SENP1: variants seen among roughly 807,000 people sequenced by gnomAD.
SENP1 encodes the protein sentrin-specific protease 1.
SENP1 carries 21 observed loss-of-function variants against 93.0 expected under a neutral mutation model. The ratio of observed to expected loss-of-function variants is 0.23; its 90% CI spans 0.16 to 0.33. The LOEUF is 0.33. Among genes scored for constraint, SENP1 ranks in the 10% least tolerant of loss-of-function variants. SENP1 has a pLI of 1.00. For synonymous variants in SENP1, 256 were observed against 259.6 expected, an observed-to-expected ratio of 0.99 and a Z score of 0.13; for missense variants, 591 against 758.7, an observed-to-expected ratio of 0.78 and a Z score of 2.60.
At chr12:48,051,020 A>G (rs368575710) in intron 13 of SENP1, among the ~76,000 whole-genome samples, 2 of 151,954 alleles carry the variant, frequency 1.3e-5, no homozygotes, top group African/African-American at 4.8e-5. Flanking sequence ...CATGACAGCC[A>G]TGGAAATACA....
chr12:48,085,917 G>A (rs1049079315), intron 5 of SENP1, among the ~76,000 whole-genome samples: 1 of 151,802 alleles, frequency 6.6e-6, no homozygotes, highest in Non-Finnish European at 1.5e-5. Flanking sequence ...GCCTATGCAT[G>A]TTTTTTTTAA....
chr12:48,084,335 T>C (rs1944683618), intron 5 of SENP1, among the ~76,000 whole-genome samples: 1 of 152,166 alleles, frequency 6.6e-6, no homozygotes, highest in Admixed American at 6.5e-5. Context: ...TTACTTCCTC[T>C]GAAGAATTTT....
In SENP1 at chr12:48,066,659, G is replaced by A. The variant is rs554040410; in HGVS notation, c.1034+268C>T. ...TCCAAGTAGCTAGGATTACAGGCGC[G>A]TGCCACCATGCCCAGCCAATTTTTG... On this transcript the variant is annotated intron_variant, in intron 10 of 17. Transcript: ENST00000549518. Among the ~76,000 whole-genome samples the A allele has an allele frequency of 2.0e-5, 3 of 152,026 alleles. No homozygotes were observed. In the East Asian group the frequency reaches 5.8e-4, roughly 29 times the overall value.
At chr12:48,093,747 C>T (rs1945371122) in intron 4 of SENP1, among the ~76,000 whole-genome samples, 2 of 147,878 alleles carry the variant, frequency 1.4e-5, no homozygotes, top group South Asian at 2.2e-4. Context: ...AACATGTTGA[C>T]ACATGAAAAA....
chr12:48,045,013 G>A lies in SENP1; in HGVS notation c.*309C>T, dbSNP rs1941260558. On this transcript the variant is annotated 3_prime_UTR_variant, in exon 18 of 18. Transcript: ENST00000549518. ...CAAGCTTTTCTCAGTCCCATAATTA[G>A]GGACTGAGTGAGGCTGGAGCCCTTT... 1 of 363,722 alleles carries A rather than the reference G, an allele frequency of 2.7e-6. No individual in the cohort carries two copies. The highest frequency in any genetic ancestry group is 2.0e-5 in the African/African-American group (1 of 49,882). The allele number at this position is 363,722 out of a possible 1,614,324, so 22.5% of individuals were successfully genotyped here.
In SENP1 at chr12:48,044,672, G is replaced by A. The variant is rs1475171820; in HGVS notation, c.*650C>T. 2 of 152,306 alleles carry A rather than the reference G, an allele frequency of 1.3e-5. No individual in the cohort carries two copies. Among genetic ancestry groups the A allele is most frequent in the African/African-American group, 4.8e-5 (2 of 41,398 alleles). 9.4% of individuals were successfully genotyped at this position (152,306 alleles called of 1,614,324 possible). Reference sequence around the variant, plus strand: ...TTTGGGACCTGTCCAGGGCTCATGTGCTGTGCCTCCGGATAGGATGAAGCT... The same window carrying A: ...TTTGGGACCTGTCCAGGGCTCATGTACTGTGCCTCCGGATAGGATGAAGCT... On this transcript the variant is annotated 3_prime_UTR_variant, in exon 18 of 18. Coordinates refer to ENST00000549518, the MANE Select transcript of SENP1 (RefSeq NM_001267594.2).
Position 48,065,240 on chromosome 12 carries a change from A to C in SENP1, c.1120-20T>G. The C allele has an allele frequency of 6.5e-7, 1 of 1,549,068 alleles. No homozygotes were observed. The highest frequency in any genetic ancestry group is 8.8e-7 in the Non-Finnish European group (1 of 1,141,782). On this transcript the variant is annotated intron_variant, in intron 11 of 17. Coordinates refer to ENST00000549518, the MANE Select transcript of SENP1 (RefSeq NM_001267594.2). ...CAATCTCTGAAAGATAAAACTTCAGAGTAAGTGGGATAAAGAAATCTGTGG... is the reference window on the plus strand; with the variant it reads ...CAATCTCTGAAAGATAAAACTTCAGCGTAAGTGGGATAAAGAAATCTGTGG...
At position 48,065,134 on chromosome 12, in the gene SENP1, A is replaced by G; in HGVS notation, c.1206T>C (p.Val402=). The G allele has an allele frequency of 6.2e-7, 1 of 1,608,218 alleles. No homozygotes were observed. The highest frequency in any genetic ancestry group is 2.2e-5 in the East Asian group (1 of 44,828). Residue 402 remains valine (V), a synonymous_variant, in exon 12 of 18, where the codon GTT becomes GTC. Transcript: ENST00000549518. ...VPLEKEIPVT[V]VQETQKKGHK... ...GACCTTTTTTTTGTGTTTCTTGGACAACAGTAACAGGAATCTCCTTTTCAA... is the reference window on the plus strand; with the variant it reads ...GACCTTTTTTTTGTGTTTCTTGGACGACAGTAACAGGAATCTCCTTTTCAA...
intron 8 of SENP1, among the ~76,000 whole-genome samples, chr12:48,072,137 A>T (rs1943749220): frequency 6.6e-6 from 1 of 152,170 alleles, no homozygotes; most frequent in Admixed American, 6.5e-5. Context: ...TTAAATGGAA[A>T]ATTCCAGAAA....
chr12:48,066,514 C>CTT (rs1169603738), intron 10 of SENP1, among the ~76,000 whole-genome samples: 4 of 140,996 alleles, frequency 2.8e-5, no homozygotes, highest in Admixed American at 1.4e-4. Context: ...ACAGGCACTT[C>CTT]TTTTTTTTTT....
rs1457145914 is a variant in SENP1, at chr12:48,074,402, T to G, written c.862A>C (p.Thr288Pro). Residue 288 changes from threonine to proline, a missense_variant, in exon 8 of 18, where the codon ACT (threonine) becomes CCT (proline). Physicochemically the swap from Thr to Pro is conservative, Grantham distance 38 (BLOSUM62 -1). Transcript: ENST00000549518. Reference protein sequence around the residue: ...DVAFGSKDSGTLHHPHHHHSV... With the variant: ...DVAFGSKDSGPLHHPHHHHSV... ...TGGTGATGATGGGGATGATGAAGAG[T>G]ACCAGAATCTTTGGATCCAAATGCA... is the stretch of plus-strand genomic sequence containing the variant. 11 of 1,613,660 alleles carry G rather than the reference T, an allele frequency of 6.8e-6. No individual in the cohort carries two copies. The South Asian group carries it at 1.1e-4, about 16-fold the overall frequency.
rs772671746 is a variant in SENP1 at position 48,101,483 on chromosome 12, T to C, written c.-11A>G. On this transcript the variant is annotated 5_prime_UTR_variant, in exon 2 of 18. Transcript: ENST00000549518. ...GTTAGTCTTACCCATTTCAAGTCTT[T>C]TCACATCACTGACTTTAGCAAAGAT... 3.8e-6 allele frequency: 6 copies of C among 1,598,108 alleles called. No individual in the cohort carries two copies. The African/African-American group carries it at 8.1e-5, about 22-fold the overall frequency.
chr12:48,095,527 C>T (rs1002258784), intron 4 of SENP1, among the ~76,000 whole-genome samples: 1 of 128,088 alleles, frequency 7.8e-6, no homozygotes, highest in Admixed American at 9.1e-5. Context: ...CACAGGGAGA[C>T]TCTGTGTCAA....
chr12:48,105,748 G>T (rs1489919642), intron 1 of SENP1: 4 of 541,872 alleles, frequency 7.4e-6, no homozygotes, highest in Non-Finnish European at 1.0e-5. Flanking sequence ...GGGGCCTGCT[G>T]TAACGGCAGG....
At chr12:48,051,137 A>AT (rs1246062609) in intron 13 of SENP1, among the ~76,000 whole-genome samples, 1 of 151,830 alleles carries the variant, frequency 6.6e-6, no homozygotes, top group Non-Finnish European at 1.5e-5. Flanking sequence ...TCACTATTCT[A>AT]TTTTTCAAGA....
Position 48,042,958 on chromosome 12 carries a change from C to G in SENP1, c.*2364G>C, listed in dbSNP as rs569624146. The stretch of plus-strand genomic sequence containing the variant: ...AATTACATAAGATATTAATAACATG[C>G]CTTTGGGCCATAAAATGCAGAAATA... On this transcript the variant is annotated 3_prime_UTR_variant, in exon 18 of 18. Transcript: ENST00000549518. 2 of 151,924 alleles carry G rather than the reference C, an allele frequency of 1.3e-5. No homozygotes were observed. The highest frequency in any genetic ancestry group is 2.9e-5 in the Non-Finnish European group (2 of 68,004). 9.4% of individuals were successfully genotyped at this position (151,924 alleles called of 1,614,324 possible).
At chr12:48,099,876 G>C (rs997363746) in intron 2 of SENP1, among the ~76,000 whole-genome samples, 1 of 152,082 alleles carries the variant, frequency 6.6e-6, no homozygotes, top group East Asian at 1.9e-4. Context: ...GCTCTTAACA[G>C]GTATCAGCTC....
intron 5 of SENP1, among the ~76,000 whole-genome samples, chr12:48,087,899 A>T (rs1456481571): frequency 6.6e-6 from 1 of 152,242 alleles, no homozygotes; most frequent in African/African-American, 2.4e-5. Context: ...CTATTTTAAA[A>T]AAGAAATGTT....
chr12:48,052,381 T>C (rs1197481118), intron 13 of SENP1, among the ~76,000 whole-genome samples: 1 of 152,204 alleles, frequency 6.6e-6, no homozygotes, highest in Non-Finnish European at 1.5e-5. Flanking sequence ...GAAAAAATGT[T>C]CTAAAAGGCC....
Sources: allele counts gnomAD v4.1 joint callset (sites outside exome capture counted in the v4.1 genomes callset), GRCh38; gene constraint gnomAD v4.1.1; transcripts MANE v1.5; gene names NCBI Gene and HGNC (gene_info 2026-07-23, HGNC 2026-07-21).